The following ANK3 variants were observed in gnomAD, a reference collection of about 807,000 sequenced individuals.
ANK3 encodes ankyrin 3.
A neutral mutation model predicts 370.9 loss-of-function variants in ANK3; 57 were observed. The observed-to-expected ratio is 0.15, with a 90% CI of 0.12 to 0.19. The LOEUF (loss-of-function observed/expected upper bound fraction) is 0.19, where lower values mean the gene tolerates loss of function less well. Among genes scored for constraint, ANK3 ranks in the 10% least tolerant of loss-of-function variants. ANK3 has a pLI of 1.00. For missense variants in ANK3, 4,439 were observed against 5,302.1 expected, an observed-to-expected ratio of 0.84 and a Z score of 5.06; for synonymous variants, 1,929 against 1,946.3, an observed-to-expected ratio of 0.99 and a Z score of 0.23.
At chr10:60,625,146 A>G (rs1020120191) in intron 1 of ANK3, among the ~76,000 whole-genome samples, 1 of 152,026 alleles carries the variant, frequency 6.6e-6, no homozygotes, top group Non-Finnish European at 1.5e-5. Flanking sequence ...ACCATATGAA[A>G]CAGTCCAAGC....
At chr10:60,443,586 T>C (rs2064356904) in intron 2 of ANK3, among the ~76,000 whole-genome samples, 1 of 152,184 alleles carries the variant, frequency 6.6e-6, no homozygotes. Context: ...CCATTGCTTT[T>C]TGCCCAATTT....
In ANK3 at chr10:60,527,455, T is replaced by A. The variant is rs925335295; in HGVS notation, c.96+87731A>T. Reference sequence around the variant, plus strand: ...TTCAGAAATACACACCCACATGAGTTCTTAATAAATACCACCAGATAAGCC... The same window carrying A: ...TTCAGAAATACACACCCACATGAGTACTTAATAAATACCACCAGATAAGCC... On this transcript the variant is annotated intron_variant, in intron 2 of 43. Coordinates refer to the ANK3 transcript ENST00000373827. Among the ~76,000 whole-genome samples, 4 of 152,220 alleles carry A rather than the reference T, an allele frequency of 2.6e-5. No individual in the cohort carries two copies. The South Asian group carries it at 8.3e-4, about 32-fold the overall frequency.
intron 23 of ANK3, among the ~76,000 whole-genome samples, chr10:60,164,598 T>C (rs1289484730): frequency 6.6e-6 from 1 of 152,132 alleles, no homozygotes; most frequent in Non-Finnish European, 1.5e-5. Context: ...TAGAATGTAG[T>C]CTTCCCATCA....
At chr10:60,523,464 C>T (rs1284787645) in intron 2 of ANK3, among the ~76,000 whole-genome samples, 1 of 138,728 alleles carries the variant, frequency 7.2e-6, no homozygotes, top group Non-Finnish European at 1.5e-5. Context: ...TTGTTCAATT[C>T]CCACCTATGA....
intron 43 of ANK3, among the ~76,000 whole-genome samples, chr10:60,036,992 A>AT (rs1229557226): frequency 6.6e-6 from 1 of 152,196 alleles, no homozygotes; most frequent in East Asian, 1.9e-4. Flanking sequence ...AATGCCTGTC[A>AT]TTCTTCTTAA....
intron 16 of ANK3, among the ~76,000 whole-genome samples, chr10:60,189,827 C>T (rs566395779): frequency 2.0e-5 from 3 of 152,208 alleles, no homozygotes; most frequent in Admixed American, 2.0e-4. Flanking sequence ...AAAGCAAATG[C>T]AATTTGAAAT....
intron 23 of ANK3, chr10:60,146,008 T>C (rs1191830516): frequency 1.6e-6 from 2 of 1,222,144 alleles, no homozygotes; most frequent in Middle Eastern, 3.8e-4. Flanking sequence ...TTTTGTACCA[T>C]GTGCATCTAT....
At chr10:60,684,194 T>C (rs2079235700) in intron 1 of ANK3, among the ~76,000 whole-genome samples, 1 of 152,292 alleles carries the variant, frequency 6.6e-6, no homozygotes, top group South Asian at 2.1e-4. Context: ...TTGACATCTA[T>C]GTTAATCCTT....
intron 8 of ANK3, among the ~76,000 whole-genome samples, chr10:60,225,186 T>G (rs2097120751): frequency 6.6e-6 from 1 of 152,146 alleles, no homozygotes; most frequent in Non-Finnish European, 1.5e-5. Flanking sequence ...GTGCTAGGAT[T>G]ACAGGCATGA....
chr10:60,075,716 G>C lies in ANK3; in HGVS notation c.5165C>G (p.Pro1722Arg), dbSNP rs752834101. The C allele has an allele frequency of 1.2e-6, 2 of 1,613,954 alleles. No individual in the cohort carries two copies. Among genetic ancestry groups the C allele is most frequent in the Non-Finnish European group, 1.7e-6 (2 of 1,179,996 alleles). Residue 1722 changes from proline to arginine, a missense_variant, in exon 37 of 44, where the codon CCT becomes CGT. By Grantham distance (103) the Pro-to-Arg change is moderately radical. Transcript: ENST00000280772. ...AGTTGAGGATGATGGATATTTTAGA[G>C]GGGAAATAGATCCATTGACTAATGC... ...EVALVNGSIS[P>R]LKYPSSSTLI... is the part of the protein sequence containing the mutation.
chr10:60,588,184 A>G (rs1332716507), intron 2 of ANK3, among the ~76,000 whole-genome samples: 1 of 147,892 alleles, frequency 6.8e-6, no homozygotes, highest in Non-Finnish European at 1.5e-5. Flanking sequence ...TATTATTATT[A>G]TTATTATTAT....
rs1190554349 is a variant in ANK3 at position 60,097,391 on chromosome 10, T to C, written c.3328+8514A>G. Among the ~76,000 whole-genome samples the C allele has an allele frequency of 2.0e-5, 3 of 152,176 alleles. No individual in the cohort carries two copies. The East Asian group carries it at 5.8e-4, about 29-fold the overall frequency. ...TCGAAAAGGTGACCTGACTTCTCAT[T>C]GACCCATCTAAGCAGCAGGCCTGAT... On this transcript the variant is annotated intron_variant, in intron 28 of 43. Transcript: ENST00000280772.
chr10:60,415,915 T>TA (rs2063652402), intron 2 of ANK3, among the ~76,000 whole-genome samples: 1 of 94,730 alleles, frequency 1.1e-5, no homozygotes, highest in Non-Finnish European at 2.2e-5. Context: ...TCTGAATTTG[T>TA]GCCCCCCACC....
chr10:60,545,850 T>C (rs1013509008), intron 2 of ANK3, among the ~76,000 whole-genome samples: 11 of 152,206 alleles, frequency 7.2e-5, no homozygotes, highest in African/African-American at 2.7e-4. Flanking sequence ...GCTAAGCCTG[T>C]GCTATCAACC....
At chr10:60,452,667 C>T (rs77265016) in intron 2 of ANK3, among the ~76,000 whole-genome samples, 3,178 of 152,322 alleles carry the variant, frequency 0.021, 129 homozygotes, top group African/African-American at 0.073. Context: ...AATTCAAGCT[C>T]CATCCAATTA....
Position 60,084,773 on chromosome 10 carries a change from C to G in ANK3, c.3903G>C (p.Leu1301=). The change falls in exon 32 of 44, where the codon CTG becomes CTC. Residue 1301 remains leucine (L), a synonymous_variant. Transcript: ENST00000280772. ...ATGGAACACATATCAATTCTCTGTA[C>G]AGTTGCGTGGCTAACCCCACAGTTT... The part of the protein sequence containing the change: ...VLETVGLATQ[L]YRELICVPYM... The G allele has an allele frequency of 1.2e-6, 2 of 1,602,524 alleles. No homozygotes were observed. Among genetic ancestry groups the G allele is most frequent in the Non-Finnish European group, 1.7e-6 (2 of 1,175,396 alleles).
intron 2 of ANK3, among the ~76,000 whole-genome samples, chr10:60,495,232 A>C (rs946323911): frequency 6.6e-6 from 1 of 152,216 alleles, no homozygotes; most frequent in Admixed American, 6.5e-5. Flanking sequence ...AGTCAATATC[A>C]TCTATAACTA....
chr10:60,577,953 C>T (rs2077703094), intron 2 of ANK3, among the ~76,000 whole-genome samples: 1 of 152,136 alleles, frequency 6.6e-6, no homozygotes. Flanking sequence ...CAATTTCCAA[C>T]CCATCCTCAA....
chr10:60,439,426 C>G lies in ANK3; in HGVS notation c.97-159787G>C, dbSNP rs1052047320. Among the ~76,000 whole-genome samples the G allele has an allele frequency of 2.0e-5, 3 of 151,908 alleles. No homozygotes were observed. In the East Asian group the frequency reaches 5.8e-4, roughly 30 times the overall value. ...TAATCCCAGTACTTTGGGAGGCCAA[C>G]GTAGGAGGATCGCTTGAGGCCAGGA... On this transcript the variant is annotated intron_variant, in intron 2 of 43. Coordinates refer to the ANK3 transcript ENST00000373827.
Sources: gnomAD v4.1 joint callset for allele counts (sites outside exome capture counted in the v4.1 genomes callset) on GRCh38, gnomAD v4.1.1 for gene constraint, MANE v1.5 for transcripts, NCBI Gene and HGNC (gene_info 2026-07-23, HGNC 2026-07-21) for gene names.